The following PRDM16 variants were observed in gnomAD, a reference collection of about 807,000 sequenced individuals.
PRDM16 encodes PR/SET domain 16.
Under a neutral mutation model 110.6 loss-of-function variants are expected in PRDM16, and 23 were observed. The ratio of observed to expected loss-of-function variants is 0.21; its 90% CI spans 0.15 to 0.29. The LOEUF is 0.29. Among genes scored for constraint, PRDM16 ranks in the 10% least tolerant of loss-of-function variants. The probability of loss-of-function intolerance (pLI) is 1.00; values close to 1 mark genes in which losing one functional copy is unlikely to be tolerated. For synonymous variants in PRDM16, 799 were observed against 781.8 expected (o/e 1.02, Z -0.37); for missense variants, 1,615 against 1,794.3 (o/e 0.90, Z 1.81).
chr1:3,099,782 A>G (rs1642490052), intron 1 of PRDM16, among the ~76,000 whole-genome samples: 1 of 152,148 alleles, frequency 6.6e-6, no homozygotes, highest in African/African-American at 2.4e-5. Flanking sequence ...AAGAGAAAAC[A>G]CTCCCAGCGT....
At chr1:3,166,301 A>C (rs998385290) in intron 1 of PRDM16, among the ~76,000 whole-genome samples, 1 of 152,248 alleles carries the variant, frequency 6.6e-6, no homozygotes, top group African/African-American at 2.4e-5. Flanking sequence ...CGTTCTGCGG[A>C]GGCAACTCCG....
chr1:3,276,829 G>A (rs1439674752), intron 3 of PRDM16, among the ~76,000 whole-genome samples: 1 of 150,704 alleles, frequency 6.6e-6, no homozygotes, highest in Non-Finnish European at 1.5e-5. Flanking sequence ...GGGCCGCCTC[G>A]GCCTGGACCC....
chr1:3,146,744 C>G (rs1482917612), intron 1 of PRDM16, among the ~76,000 whole-genome samples: 1 of 111,386 alleles, frequency 9.0e-6, no homozygotes, highest in Non-Finnish European at 1.8e-5. Flanking sequence ...TGTGTGAGTG[C>G]ACGTGTGTGC....
At chr1:3,304,666 C>T (rs1038086709) in intron 3 of PRDM16, among the ~76,000 whole-genome samples, 3 of 152,174 alleles carry the variant, frequency 2.0e-5, no homozygotes, top group Non-Finnish European at 4.4e-5. Flanking sequence ...TTGATGACAG[C>T]GCAAATAAGG....
intron 1 of PRDM16, among the ~76,000 whole-genome samples, chr1:3,173,510 C>T (rs1312584642): frequency 1.3e-5 from 2 of 152,188 alleles, no homozygotes; most frequent in African/African-American, 2.4e-5. Flanking sequence ...CGTGGCCCTG[C>T]GTGAGGGCCA....
At chr1:3,096,713 T>C (rs6702771) in intron 1 of PRDM16, among the ~76,000 whole-genome samples, 82,496 of 151,940 alleles carry the variant, frequency 0.54, 22,842 homozygotes, top group South Asian at 0.78. Context: ...CTCCAAGGCT[T>C]CCGGAGCAGG....
chr1:3,322,370 A>G (rs1254282009), intron 3 of PRDM16, among the ~76,000 whole-genome samples: 1 of 152,152 alleles, frequency 6.6e-6, no homozygotes, highest in Non-Finnish European at 1.5e-5. Context: ...TCCGGAGCCT[A>G]TAAATCTCAC....
Position 3,394,366 on chromosome 1 carries a change from G to GCA in PRDM16, c.574-2124_574-2123insAC, listed in dbSNP as rs149357188. ...GCCAGGCGGAGGATCCAGGAGGGCC[G>GCA]CCCAGCCCCCGTCCGCCCACCCAGC... is the stretch of plus-strand genomic sequence containing the variant. On this transcript the variant is annotated intron_variant, in intron 4 of 16. Transcript: ENST00000270722. 2.5e-5 allele frequency: 11 copies of GCA among 441,444 alleles called. 1 individual carries two copies. Among genetic ancestry groups the GCA allele is most frequent in the South Asian group, 1.6e-4 (10 of 62,890 alleles). 27.3% of individuals were successfully genotyped at this position (441,444 alleles called of 1,614,324 possible).
chr1:3,209,427 C>A lies in PRDM16; in HGVS notation c.387+22953C>A, dbSNP rs1303924492. 6.6e-6 allele frequency among the ~76,000 whole-genome samples: 1 copy of A among 152,212 alleles called. No homozygotes were observed. Among genetic ancestry groups the A allele is most frequent in the African/African-American group, 2.4e-5 (1 of 41,446 alleles). On this transcript the variant is annotated intron_variant, in intron 2 of 16. Transcript: ENST00000270722. The surrounding 1 kb of genome is among the most constrained non-coding windows in gnomAD (Gnocchi z 4.6). ...TGCAGCCAGCCAGCTCTCCCTTCTT[C>A]CTGGGGAGGCCTGTGAAGGTCGCGT... is the stretch of plus-strand genomic sequence containing the variant.
chr1:3,387,872 T>C (rs1195442196), intron 4 of PRDM16, among the ~76,000 whole-genome samples: 4 of 152,272 alleles, frequency 2.6e-5, no homozygotes, highest in Non-Finnish European at 4.4e-5. Context: ...TAGACTCTCA[T>C]AGGACATGAC....
chr1:3,264,468 C>G (rs965830070), intron 3 of PRDM16, among the ~76,000 whole-genome samples: 1 of 139,932 alleles, frequency 7.1e-6, no homozygotes, highest in African/African-American at 2.8e-5. Context: ...GAGGAGCATC[C>G]GAGGACCCTA....
At chr1:3,073,036 G>C (rs1641805482) in intron 1 of PRDM16, among the ~76,000 whole-genome samples, 1 of 152,252 alleles carries the variant, frequency 6.6e-6, no homozygotes, top group Non-Finnish European at 1.5e-5. Context: ...GCCCACTCGG[G>C]GGGTCCTCCT....
Position 3,412,240 on chromosome 1 carries a change from G to T in PRDM16, c.2043G>T (p.Gln681His). 6.2e-7 allele frequency: 1 copy of T among 1,610,598 alleles called. No individual in the cohort carries two copies. The highest frequency in any genetic ancestry group is 8.5e-7 in the Non-Finnish European group (1 of 1,177,724). Reference protein sequence around the residue: ...QHSFFPPPDEQLLTATGAAGD... With the variant: ...QHSFFPPPDEHLLTATGAAGD... Reference sequence around the variant, plus strand: ...CATTCTTCCCGCCACCCGACGAGCAGCTGCTGACTGCAACGGGCGCCGCCG... The same window carrying T: ...CATTCTTCCCGCCACCCGACGAGCATCTGCTGACTGCAACGGGCGCCGCCG... The change falls in exon 9 of 17, where the codon CAG becomes CAT. Residue 681 changes from glutamine to histidine, a missense_variant. Physicochemically the swap from Gln to His is conservative, Grantham distance 24. This residue lies in a region of PRDM16 where 772 missense variants were observed against 748.3 expected (regional missense o/e 1.03). Transcript: ENST00000270722.
intron 1 of PRDM16, among the ~76,000 whole-genome samples, chr1:3,098,384 C>A (rs1460070096): frequency 6.6e-6 from 1 of 152,168 alleles, no homozygotes; most frequent in African/African-American, 2.4e-5. Context: ...GAGTGGCGAG[C>A]TGGCAAGGGG....
At chr1:3,073,918 C>T (rs908162932) in intron 1 of PRDM16, among the ~76,000 whole-genome samples, 3 of 152,304 alleles carry the variant, frequency 2.0e-5, no homozygotes, top group African/African-American at 7.2e-5. Context: ...CGACCTCGTG[C>T]GGGACACCGT....
intron 3 of PRDM16, among the ~76,000 whole-genome samples, chr1:3,324,465 C>A (rs892742645): frequency 7.9e-5 from 12 of 152,346 alleles, no homozygotes; most frequent in Non-Finnish European, 1.5e-4. Flanking sequence ...GGACACAGAC[C>A]TGGCAGCTCA....
Position 3,074,796 on chromosome 1 carries a change from A to C in PRDM16, c.37+5500A>C, listed in dbSNP as rs540789466. On this transcript the variant is annotated intron_variant, in intron 1 of 16. Transcript: ENST00000270722. ...ATCTGGAGGGGAATAACCACCACCC[A>C]CCGCCTCCACCCACCGCCCAGCAGT... is the stretch of plus-strand genomic sequence containing the variant. Among the ~76,000 whole-genome samples the C allele has an allele frequency of 4.4e-3, 673 of 151,682 alleles. 4 individuals carry two copies. Among genetic ancestry groups the C allele is most frequent in the African/African-American group, 0.015 (619 of 41,132 alleles).
chr1:3,266,972 C>A (rs1203825445), intron 3 of PRDM16, among the ~76,000 whole-genome samples: 1 of 152,250 alleles, frequency 6.6e-6, no homozygotes, highest in African/African-American at 2.4e-5. Flanking sequence ...GCCACCGCGC[C>A]CGGCCACGTG....
intron 1 of PRDM16, among the ~76,000 whole-genome samples, chr1:3,182,107 G>C (rs1036443446): frequency 2.0e-5 from 3 of 152,234 alleles, no homozygotes; most frequent in Non-Finnish European, 4.4e-5. Flanking sequence ...ACCACACGGT[G>C]CCTCTTTCCT....
Sources: allele counts gnomAD v4.1 joint callset (sites outside exome capture counted in the v4.1 genomes callset), GRCh38; gene constraint gnomAD v4.1.1; regional missense constraint gnomAD v4.1.1; non-coding constraint Gnocchi (gnomAD v3.1); transcripts MANE v1.5; gene names NCBI Gene and HGNC (gene_info 2026-07-23, HGNC 2026-07-21).